PI4K2B: variants seen among roughly 807,000 people sequenced by gnomAD.
PI4K2B encodes phosphatidylinositol 4-kinase type 2-beta.
PI4K2B carries 46 observed loss-of-function variants against 56.6 expected under a neutral mutation model. The ratio of observed to expected loss-of-function variants is 0.81; its 90% CI spans 0.64 to 1.04. The LOEUF is 1.04. Ranked by LOEUF, PI4K2B falls within the 50% of genes least tolerant of loss-of-function variation. PI4K2B has a pLI of 0.00. For synonymous variants in PI4K2B, 211 were observed against 223.8 expected (o/e 0.94, Z 0.51); for missense variants, 556 against 607.7 (o/e 0.91, Z 0.89).
intron 1 of PI4K2B, among the ~76,000 whole-genome samples, chr4:25,246,738 A>C (rs913920919): frequency 6.6e-6 from 1 of 152,216 alleles, no homozygotes; most frequent in African/African-American, 2.4e-5. Flanking sequence ...AGGCTCAGGC[A>C]TGGCCGGCTG....
chr4:25,238,626 C>T (rs531961809), intron 1 of PI4K2B, among the ~76,000 whole-genome samples: 18 of 152,056 alleles, frequency 1.2e-4, no homozygotes, highest in African/African-American at 3.9e-4. Context: ...GCGACCTTCA[C>T]GGTGAGAGTT....
chr4:25,240,911 T>G (rs1423114265), intron 1 of PI4K2B, among the ~76,000 whole-genome samples: 1 of 152,146 alleles, frequency 6.6e-6, no homozygotes, highest in Non-Finnish European at 1.5e-5. Context: ...CTCTGTCTCT[T>G]CCTCTCTGTC....
intron 1 of PI4K2B, among the ~76,000 whole-genome samples, chr4:25,242,375 G>T (rs1715563299): frequency 6.6e-6 from 1 of 152,232 alleles, no homozygotes; most frequent in Non-Finnish European, 1.5e-5. Context: ...AACCCCTGGG[G>T]CAAGACCTTC....
intron 9 of PI4K2B, among the ~76,000 whole-genome samples, chr4:25,269,771 TG>T (rs1450294300): frequency 3.3e-5 from 5 of 152,056 alleles, no homozygotes; most frequent in South Asian, 4.2e-4. Context: ...TGGAGTGCAG[TG>T]GAACGATCTC....
chr4:25,250,084 C>T (rs12504942), intron 1 of PI4K2B, among the ~76,000 whole-genome samples: 75,332 of 151,804 alleles, frequency 0.5, 20,543 homozygotes, highest in Non-Finnish European at 0.61. Context: ...TCAGGCGTGG[C>T]AGCGCGCGCC....
At chr4:25,259,716 T>TAA (rs149474864) in intron 5 of PI4K2B, among the ~76,000 whole-genome samples, 17 of 149,234 alleles carry the variant, frequency 1.1e-4, no homozygotes, top group African/African-American at 3.9e-4. Flanking sequence ...AAAAAAAGTA[T>TAA]AAAAAAAAAA....
At chr4:25,241,513 G>A (rs1408021527) in intron 1 of PI4K2B, among the ~76,000 whole-genome samples, 1 of 152,218 alleles carries the variant, frequency 6.6e-6, no homozygotes, top group Admixed American at 6.5e-5. Flanking sequence ...GGCCATGCAT[G>A]TGCGTATTTG....
intron 1 of PI4K2B, among the ~76,000 whole-genome samples, chr4:25,242,797 T>A (rs1029856443): frequency 6.6e-6 from 1 of 152,220 alleles, no homozygotes; most frequent in Non-Finnish European, 1.5e-5. Context: ...TGGCTGGGCA[T>A]TTTTTGCCCT....
chr4:25,259,272 C>T (rs1716366896), intron 5 of PI4K2B, 82 bp downstream of exon 5: 1 of 996,872 alleles, frequency 1.0e-6, no homozygotes, highest in Admixed American at 2.4e-5. Context: ...AAGCGGTAAA[C>T]TTTTGTTGCA....
chr4:25,274,268 T>C (rs1308499934), intron 9 of PI4K2B, among the ~76,000 whole-genome samples: 3 of 152,114 alleles, frequency 2.0e-5, no homozygotes, highest in African/African-American at 7.2e-5. Context: ...GCAAAGTCAG[T>C]ATGTAGAAGC....
At chr4:25,245,641 G>A (rs775946085) in intron 1 of PI4K2B, among the ~76,000 whole-genome samples, 14 of 152,136 alleles carry the variant, frequency 9.2e-5, no homozygotes, top group African/African-American at 3.1e-4. Context: ...CATGCTAGTC[G>A]CTTTTAACTG....
intron 1 of PI4K2B, among the ~76,000 whole-genome samples, chr4:25,238,291 A>G (rs1472561054): frequency 6.6e-6 from 1 of 152,242 alleles, no homozygotes; most frequent in East Asian, 1.9e-4. Context: ...CAGAACAGAC[A>G]AAGGGTAGCC....
Position 25,263,824 on chromosome 4 carries a change from T to A in PI4K2B, c.1053T>A (p.Phe351Leu). The A allele has an allele frequency of 6.7e-7, 1 of 1,491,946 alleles. No homozygotes were observed. Among genetic ancestry groups the A allele is most frequent in the Non-Finnish European group, 9.3e-7 (1 of 1,070,660 alleles). 92.4% of individuals were successfully genotyped at this position (1,491,946 alleles called of 1,614,324 possible). ...AAIDNGLAFPFKHPDEWRAYP... is the reference protein window; with the variant it reads ...AAIDNGLAFPLKHPDEWRAYP... ...TTGATAATGGTCTAGCATTTCCTTT[T>A]AAACATCCTGATGAATGGAGAGCAT... is the stretch of plus-strand genomic sequence containing the variant. Residue 351 changes from phenylalanine (F) to leucine (L), a missense_variant, in exon 7 of 10, where the codon TTT (phenylalanine) becomes TTA (leucine). Physicochemically the swap from Phe to Leu is conservative, Grantham distance 22 (BLOSUM62 0). Coordinates refer to ENST00000264864, the MANE Select transcript of PI4K2B (RefSeq NM_018323.4).
At chr4:25,239,845 A>G (rs1003418940) in intron 1 of PI4K2B, among the ~76,000 whole-genome samples, 13 of 152,358 alleles carry the variant, frequency 8.5e-5, no homozygotes, top group South Asian at 4.1e-4. Flanking sequence ...AATTTGGCCA[A>G]TGACTGCTCT....
In PI4K2B at chr4:25,234,274, C is replaced by G; in HGVS notation, c.111C>G (p.His37Gln). 1 of 1,422,298 alleles carries G rather than the reference C, an allele frequency of 7.0e-7. No individual in the cohort carries two copies. The highest frequency in any genetic ancestry group is 9.2e-7 in the Non-Finnish European group (1 of 1,084,128). The allele number at this position is 1,422,298 out of a possible 1,614,324, so 88.1% of individuals were successfully genotyped here. Residue 37 changes from histidine to glutamine, a missense_variant, in exon 1 of 10, where the codon CAC becomes CAG. Transcript: ENST00000264864. Reference protein sequence around the residue: ...EPLLPRIAWAHPRRGAPGSAV... With the variant: ...EPLLPRIAWAQPRRGAPGSAV... ...TGCTACCGCGGATCGCCTGGGCCCA[C>G]CCGCGGAGAGGCGCCCCAGGCAGCG...
intron 1 of PI4K2B, among the ~76,000 whole-genome samples, chr4:25,240,883 G>A (rs888924677): frequency 6.6e-6 from 1 of 151,270 alleles, no homozygotes; most frequent in Non-Finnish European, 1.5e-5. Context: ...CCTTCTCTTT[G>A]TCTCTCTGTT....
In PI4K2B at chr4:25,255,223, T is replaced by G. The variant is rs1407519296; in HGVS notation, c.582T>G (p.Leu194=). The part of the protein sequence containing the change: ...QGYLSEAGAY[L]VDNKLHLSIV... ...ACCTTTCCGAAGCGGGTGCCTATCT[T>G]GTGGACAACAAGCTTCATCTGAGCA... Residue 194 remains leucine, a synonymous_variant, in exon 3 of 10, where the codon CTT becomes CTG. Transcript: ENST00000264864. 1 of 1,614,064 alleles carries G rather than the reference T, an allele frequency of 6.2e-7. No homozygotes were observed. Among genetic ancestry groups the G allele is most frequent in the African/African-American group, 1.3e-5 (1 of 74,928 alleles).
intron 2 of PI4K2B, among the ~76,000 whole-genome samples, chr4:25,253,831 GCA>G (rs530062019): frequency 4.6e-5 from 7 of 152,322 alleles, no homozygotes; most frequent in African/African-American, 1.2e-4. Flanking sequence ...GAGTGCAGTA[GCA>G]CAGTCTCGGC....
chr4:25,241,516 C>T (rs547277533), intron 1 of PI4K2B, among the ~76,000 whole-genome samples: 2 of 152,252 alleles, frequency 1.3e-5, no homozygotes, highest in Non-Finnish European at 2.9e-5. Flanking sequence ...CATGCATGTG[C>T]GTATTTGAAG....
Sources: allele counts gnomAD v4.1 joint callset (sites outside exome capture counted in the v4.1 genomes callset), GRCh38; gene constraint gnomAD v4.1.1; transcripts MANE v1.5; gene names NCBI Gene and HGNC (gene_info 2026-07-23, HGNC 2026-07-21).